The following ZNF365 variants were observed in gnomAD, a reference collection of about 807,000 sequenced individuals.
ZNF365 encodes protein ZNF365.
ZNF365 carries 22 observed loss-of-function variants against 35.0 expected under a neutral mutation model. The observed-to-expected ratio is 0.63, with a 90% CI of 0.45 to 0.90. The LOEUF (loss-of-function observed/expected upper bound fraction) is 0.90, where lower values mean the gene tolerates loss of function less well. ZNF365 is among the 40% of genes least tolerant of loss of function. The pLI is 0.00. For synonymous variants in ZNF365, 188 were observed against 196.2 expected, an observed-to-expected ratio of 0.96 and a Z score of 0.35; for missense variants, 448 against 500.3, an observed-to-expected ratio of 0.90 and a Z score of 1.00.
At chr10:62,456,658 A>G (rs1345991566) in intron 3 of ZNF365, among the ~76,000 whole-genome samples, 1 of 152,226 alleles carries the variant, frequency 6.6e-6, no homozygotes, top group Admixed American at 6.5e-5. Flanking sequence ...ACTCGATTTC[A>G]GCTCAGCTGT....
At chr10:62,434,437 T>C (rs1249075212) in intron 3 of ZNF365, among the ~76,000 whole-genome samples, 1 of 152,194 alleles carries the variant, frequency 6.6e-6, no homozygotes, top group African/African-American at 2.4e-5. Context: ...GGACTGTGTG[T>C]TGTCCCTGCT....
intron 3 of ZNF365, among the ~76,000 whole-genome samples, chr10:62,436,497 A>C (rs1236162276): frequency 6.6e-6 from 1 of 152,250 alleles, no homozygotes; most frequent in Admixed American, 6.5e-5. Context: ...ATAACACATA[A>C]AAATATAATG....
intron 4 of ZNF365, among the ~76,000 whole-genome samples, chr10:62,461,196 T>A (rs1173488123): frequency 6.6e-6 from 1 of 152,126 alleles, no homozygotes; most frequent in Non-Finnish European, 1.5e-5. Flanking sequence ...AGTACACATC[T>A]CCACTGTGGG....
intron 3 of ZNF365, among the ~76,000 whole-genome samples, chr10:62,431,713 G>A (rs1840337688): frequency 6.6e-6 from 1 of 152,150 alleles, no homozygotes; most frequent in African/African-American, 2.4e-5. Flanking sequence ...GACAGAGGAT[G>A]AGCTTCTGGA....
At chr10:62,396,096 G>A (rs72829057) in intron 3 of ZNF365, among the ~76,000 whole-genome samples, 3 of 152,264 alleles carry the variant, frequency 2.0e-5, no homozygotes, top group South Asian at 2.1e-4. Flanking sequence ...TTCATGGGGG[G>A]AGCAGAGGAA....
In ZNF365 at chr10:62,400,709, C is replaced by T; in HGVS notation, c.*920C>T. 2.0e-6 allele frequency: 2 copies of T among 985,686 alleles called. No homozygotes were observed. Among genetic ancestry groups the T allele is most frequent in the Non-Finnish European group, 2.4e-6 (2 of 830,054 alleles). 61.1% of individuals were successfully genotyped at this position (985,686 alleles called of 1,614,324 possible). A position where few individuals can be genotyped will look rare whatever the true frequency, so the allele number is the denominator to read the frequency against. ...CAAGCCCTTTCCTAAGACCTGCTTCCCGGCCAGTGTCAGTGGCCCTCTCTC... is the reference window on the plus strand; with the variant it reads ...CAAGCCCTTTCCTAAGACCTGCTTCTCGGCCAGTGTCAGTGGCCCTCTCTC... On this transcript the variant is annotated 3_prime_UTR_variant, in exon 5 of 5. Coordinates refer to ENST00000395254, the MANE Select transcript of ZNF365 (RefSeq NM_014951.3).
intron 3 of ZNF365, among the ~76,000 whole-genome samples, chr10:62,427,105 C>T (rs1181528623): frequency 6.6e-6 from 1 of 152,190 alleles, no homozygotes; most frequent in African/African-American, 2.4e-5. Context: ...CAACACGTTA[C>T]TCACATGTTT....
At position 62,401,827 on chromosome 10, in the gene ZNF365, G is replaced by T. The variant is rs1401687155; in HGVS notation, c.*2038G>T. ...GGGCATGGCAACTCTCTTTGACAGT[G>T]GTACCCCATGATCTTCAGAAAGTAC... is the stretch of plus-strand genomic sequence containing the variant. On this transcript the variant is annotated 3_prime_UTR_variant, in exon 5 of 5. Coordinates refer to ENST00000395254, the MANE Select transcript of ZNF365 (RefSeq NM_014951.3). The T allele has an allele frequency of 2.7e-5, 27 of 985,292 alleles. No individual in the cohort carries two copies. Among genetic ancestry groups the T allele is most frequent in the African/African-American group, 1.7e-5 (1 of 57,176 alleles). 61.0% of individuals were successfully genotyped at this position (985,292 alleles called of 1,614,324 possible).
chr10:62,473,890 A>G (rs1208944462), intron 4 of ZNF365, among the ~76,000 whole-genome samples: 2 of 152,198 alleles, frequency 1.3e-5, no homozygotes, highest in Non-Finnish European at 2.9e-5. Context: ...TGACAGCACC[A>G]AGGATGAAGG....
chr10:62,417,089 A>G (rs7919709), intron 3 of ZNF365, among the ~76,000 whole-genome samples: 95,048 of 151,816 alleles, frequency 0.63, 30,289 homozygotes, highest in East Asian at 0.84. Flanking sequence ...ATAACCTCAG[A>G]AAGTATACTT....
At chr10:62,421,083 A>G (rs934584054) in intron 3 of ZNF365, among the ~76,000 whole-genome samples, 8 of 152,020 alleles carry the variant, frequency 5.3e-5, no homozygotes, top group Non-Finnish European at 1.2e-4. Context: ...GTTTAGAGAC[A>G]TTGGCAACCG....
chr10:62,407,094 G>A (rs1055436573), downstream of ZNF365, among the ~76,000 whole-genome samples: 13 of 152,224 alleles, frequency 8.5e-5, no homozygotes, highest in African/African-American at 3.1e-4. Context: ...GCAAGGGCTG[G>A]AGCCCACAAA....
chr10:62,383,847 C>T (rs1839480464), intron 2 of ZNF365, among the ~76,000 whole-genome samples: 2 of 152,208 alleles, frequency 1.3e-5, no homozygotes, highest in South Asian at 2.1e-4. Context: ...AATTAATGAA[C>T]GCATGTGTGA....
At chr10:62,448,517 G>A (rs11817964) in intron 3 of ZNF365, among the ~76,000 whole-genome samples, 5,719 of 152,256 alleles carry the variant, frequency 0.038, 156 homozygotes, top group East Asian at 0.18. Flanking sequence ...AAATGCGCCT[G>A]TAAATTCCCA....
intron 4 of ZNF365, among the ~76,000 whole-genome samples, chr10:62,460,760 G>A (rs1274746387): frequency 2.0e-5 from 3 of 152,170 alleles, no homozygotes; most frequent in South Asian, 4.1e-4. Flanking sequence ...AAACGACAAT[G>A]TGGAAATGTA....
At chr10:62,440,925 G>GT (rs1289972571) in intron 3 of ZNF365, among the ~76,000 whole-genome samples, 1 of 152,156 alleles carries the variant, frequency 6.6e-6, no homozygotes. Context: ...AAAACCTAAT[G>GT]TCTTTATGTG....
chr10:62,395,078 C>T (rs924589156), intron 3 of ZNF365, among the ~76,000 whole-genome samples: 7 of 152,146 alleles, frequency 4.6e-5, no homozygotes, highest in African/African-American at 7.2e-5. Flanking sequence ...AAGCTGTCCT[C>T]GGTGTGGCTG....
At chr10:62,449,204 G>T (rs1840639004) in intron 3 of ZNF365, among the ~76,000 whole-genome samples, 1 of 152,062 alleles carries the variant, frequency 6.6e-6, no homozygotes, top group African/African-American at 2.4e-5. Flanking sequence ...GTGTTATTTT[G>T]GTATTGTATG....
intron 4 of ZNF365, among the ~76,000 whole-genome samples, chr10:62,469,070 G>A (rs143729023): frequency 6.6e-6 from 1 of 152,196 alleles, no homozygotes; most frequent in African/African-American, 2.4e-5. Context: ...AGCAAAAGTG[G>A]ACCAGTCAAG....
Sources: allele counts gnomAD v4.1 joint callset (sites outside exome capture counted in the v4.1 genomes callset), GRCh38; gene constraint gnomAD v4.1.1; transcripts MANE v1.5; gene names NCBI Gene and HGNC (gene_info 2026-07-23, HGNC 2026-07-21).